GBP7: variants seen among roughly 807,000 people sequenced by gnomAD.
The protein encoded by GBP7 is guanylate binding protein 7.
Under a neutral mutation model 61.3 loss-of-function variants are expected in GBP7, and 43 were observed. That is an observed-to-expected ratio of 0.70 (90% CI 0.55 to 0.91). GBP7 has a LOEUF of 0.91. Among genes scored for constraint, GBP7 ranks in the 40% least tolerant of loss-of-function variants. GBP7 has a pLI of 0.00. For synonymous variants in GBP7, 267 were observed against 271.0 expected (o/e 0.99, Z 0.14); for missense variants, 717 against 740.5 (o/e 0.97, Z 0.37).
At chr1:89,160,581 G>C (rs1236506440) in intron 3 of GBP7, among the ~76,000 whole-genome samples, 2 of 152,028 alleles carry the variant, frequency 1.3e-5, no homozygotes, top group Non-Finnish European at 2.9e-5. Context: ...TCATAGGGTC[G>C]TTGTATGATT....
chr1:89,147,839 T>G (rs1322792642), intron 7 of GBP7, 60 bp from the exon 8 acceptor site: 2 of 1,552,742 alleles, frequency 1.3e-6, no homozygotes, highest in South Asian at 1.1e-5. Flanking sequence ...AAGGTCCAAC[T>G]GTGATCCTCT....
intron 3 of GBP7, among the ~76,000 whole-genome samples, chr1:89,161,886 G>A (rs1647282576): frequency 6.6e-6 from 1 of 151,926 alleles, no homozygotes; most frequent in African/African-American, 2.4e-5. Context: ...GGTTTTCCAG[G>A]GTTTTTATAG....
In GBP7 at chr1:89,132,221, A is replaced by T; in HGVS notation, c.1845T>A (p.Val615=). The change falls in exon 11 of 11, where the codon GTT becomes GTA. Residue 615 remains valine, a synonymous_variant. Coordinates refer to ENST00000294671, the MANE Select transcript of GBP7 (RefSeq NM_207398.3). ...IAALPGAAKL[V]DLGMKILSSL... is the part of the protein sequence containing the mutation. ...AGCTAAGAATTTTCATTCCTAAATC[A>T]ACTAGCTTAGCAGCCCCAGGTAGTG... is the stretch of plus-strand genomic sequence containing the variant. 3.7e-6 allele frequency: 6 copies of T among 1,613,716 alleles called. No individual in the cohort carries two copies. The highest frequency in any genetic ancestry group is 3.3e-5 in the South Asian group (3 of 91,056).
chr1:89,159,695 T>C (rs1682392152), intron 3 of GBP7, among the ~76,000 whole-genome samples: 1 of 152,270 alleles, frequency 6.6e-6, no homozygotes, highest in Admixed American at 6.5e-5. Flanking sequence ...TGGCAATCAT[T>C]AAAAAGTCAG....
At chr1:89,147,378 GA>G (rs1682093664) in intron 8 of GBP7, among the ~76,000 whole-genome samples, 188 bp downstream of exon 8, 1 of 151,846 alleles carries the variant, frequency 6.6e-6, no homozygotes, top group South Asian at 2.1e-4. Flanking sequence ...TCCTCTTTGG[GA>G]AAAAAAATAG....
intron 7 of GBP7, 27 bp from the exon 8 acceptor site, chr1:89,147,806 G>A: frequency 6.2e-7 from 1 of 1,610,210 alleles, no homozygotes; most frequent in East Asian, 2.2e-5. Flanking sequence ...GGGAAAAACA[G>A]TAGAAAGAAG....
intron 3 of GBP7, among the ~76,000 whole-genome samples, chr1:89,160,896 G>A (rs1400157446): frequency 6.6e-6 from 1 of 151,744 alleles, no homozygotes; most frequent in Non-Finnish European, 1.5e-5. Flanking sequence ...ATTTAGCCAA[G>A]TACGCATTAG....
chr1:89,150,583 A>G lies in GBP7; in HGVS notation c.626-8T>C, dbSNP rs1472841730. The G allele has an allele frequency of 1.2e-6, 2 of 1,612,958 alleles. No individual in the cohort carries two copies. The highest frequency in any genetic ancestry group is 4.5e-5 in the East Asian group (2 of 44,858). ...GGATTTGGGGATTCTTGCCTGCAGAATTAGTGAAAAAGTGACTACTGAAGA... is the reference window on the plus strand; with the variant it reads ...GGATTTGGGGATTCTTGCCTGCAGAGTTAGTGAAAAAGTGACTACTGAAGA... On this transcript the variant is annotated splice_region_variant and splice_polypyrimidine_tract_variant and intron_variant, in intron 5 of 10. Transcript: ENST00000294671.
At chr1:89,148,744 A>T (rs1183554490) in intron 7 of GBP7, among the ~76,000 whole-genome samples, 1 of 152,220 alleles carries the variant, frequency 6.6e-6, no homozygotes, top group Non-Finnish European at 1.5e-5. Flanking sequence ...GAGCACACAG[A>T]TGCCCTAAAA....
intron 3 of GBP7, among the ~76,000 whole-genome samples, chr1:89,158,786 C>G (rs1025612533): frequency 6.6e-6 from 1 of 152,038 alleles, no homozygotes; most frequent in African/African-American, 2.4e-5. Context: ...CCCTACTGCC[C>G]AAGGTAATTT....
At chr1:89,143,271 G>A (rs1355920786) in intron 8 of GBP7, among the ~76,000 whole-genome samples, 1 of 152,130 alleles carries the variant, frequency 6.6e-6, no homozygotes, top group Non-Finnish European at 1.5e-5. Context: ...TACCTGACCT[G>A]TACTAGGCTT....
chr1:89,145,562 A>T (rs746902670), intron 8 of GBP7, among the ~76,000 whole-genome samples: 2 of 152,156 alleles, frequency 1.3e-5, no homozygotes, highest in Non-Finnish European at 2.9e-5. Flanking sequence ...TGAGATAGTG[A>T]CTTTAGTTCC....
At chr1:89,145,568 G>A (rs999809393) in intron 8 of GBP7, among the ~76,000 whole-genome samples, 1 of 152,174 alleles carries the variant, frequency 6.6e-6, no homozygotes, top group African/African-American at 2.4e-5. Context: ...AGTGACTTTA[G>A]TTCCTTTGGA....
intron 6 of GBP7, 95 bp downstream of exon 6, chr1:89,150,235 T>C (rs1480063911): frequency 1.7e-6 from 2 of 1,154,324 alleles, no homozygotes; most frequent in Admixed American, 2.0e-5. Flanking sequence ...ACAGATGTTA[T>C]CTCCTTACCA....
intron 7 of GBP7, among the ~76,000 whole-genome samples, chr1:89,148,021 C>T (rs183670746): frequency 6.6e-6 from 1 of 152,150 alleles, no homozygotes; most frequent in African/African-American, 2.4e-5. Context: ...TAACTATAAA[C>T]AACAAGCAAG....
At chr1:89,170,058 C>A (rs1017448619) in intron 2 of GBP7, among the ~76,000 whole-genome samples, 3 of 152,188 alleles carry the variant, frequency 2.0e-5, no homozygotes, top group African/African-American at 7.2e-5. Flanking sequence ...CCTAACACAA[C>A]TTTTTGTTCA....
intron 9 of GBP7, among the ~76,000 whole-genome samples, chr1:89,139,882 G>A (rs997826531): frequency 6.6e-6 from 1 of 152,276 alleles, no homozygotes; most frequent in African/African-American, 2.4e-5. Flanking sequence ...AAGTCAGTGT[G>A]GCGATTCCTC....
intron 8 of GBP7, among the ~76,000 whole-genome samples, chr1:89,142,658 T>C (rs1266060337): frequency 6.6e-6 from 1 of 152,114 alleles, no homozygotes; most frequent in Non-Finnish European, 1.5e-5. Context: ...CAGTCACACA[T>C]GGGAAGGAAA....
At chr1:89,158,736 C>T (rs1682369498) in intron 3 of GBP7, among the ~76,000 whole-genome samples, 1 of 152,228 alleles carries the variant, frequency 6.6e-6, no homozygotes. Context: ...GAAGAGCATT[C>T]CATGTTCATG....
Sources: gnomAD v4.1 joint callset for allele counts (sites outside exome capture counted in the v4.1 genomes callset) on GRCh38, gnomAD v4.1.1 for gene constraint, MANE v1.5 for transcripts, NCBI Gene and HGNC (gene_info 2026-07-23, HGNC 2026-07-21) for gene names.